The following HCN1 variants were observed in gnomAD, a reference collection of about 807,000 sequenced individuals.
HCN1 encodes potassium/sodium hyperpolarization-activated cyclic nucleotide-gated channel 1.
A neutral mutation model predicts 78.9 loss-of-function variants in HCN1; 13 were observed. That is an observed-to-expected ratio of 0.16 (90% CI 0.11 to 0.26). HCN1 has a LOEUF of 0.26. HCN1 is among the 10% of genes least tolerant of loss of function. The pLI is 1.00. For synonymous variants in HCN1, 552 were observed against 455.5 expected (o/e 1.21, Z -2.70); for missense variants, 810 against 1,154.3 (o/e 0.70, Z 4.32).
chr5:45,577,299 T>C (rs1743966916), intron 2 of HCN1, among the ~76,000 whole-genome samples: 1 of 152,094 alleles, frequency 6.6e-6, no homozygotes, highest in Admixed American at 6.6e-5. Flanking sequence ...GAAAATCTTC[T>C]GATTAGAATG....
intron 2 of HCN1, among the ~76,000 whole-genome samples, chr5:45,553,918 A>G (rs1224799291): frequency 6.6e-6 from 1 of 151,810 alleles, no homozygotes; most frequent in African/African-American, 2.4e-5. Context: ...TATGCCCCTT[A>G]CTCTAAGTAT....
chr5:45,451,116 T>C (rs1427172916), intron 3 of HCN1, among the ~76,000 whole-genome samples: 1 of 152,182 alleles, frequency 6.6e-6, no homozygotes, highest in East Asian at 1.9e-4. Flanking sequence ...GAATACAAAT[T>C]AAATGATCGA....
intron 5 of HCN1, among the ~76,000 whole-genome samples, chr5:45,328,959 G>T (rs565235601): frequency 6.6e-6 from 1 of 151,624 alleles, no homozygotes; most frequent in South Asian, 2.1e-4. Context: ...AATATTTAGT[G>T]TTGTGGAGGA....
At chr5:45,612,338 T>C (rs1744855033) in intron 2 of HCN1, among the ~76,000 whole-genome samples, 1 of 152,200 alleles carries the variant, frequency 6.6e-6, no homozygotes, top group Admixed American at 6.6e-5. Context: ...AAAATTATTC[T>C]AAGTTTCCGA....
At chr5:45,375,260 A>T (rs1329849261) in intron 4 of HCN1, among the ~76,000 whole-genome samples, 1 of 118,638 alleles carries the variant, frequency 8.4e-6, no homozygotes, top group East Asian at 2.1e-4. Flanking sequence ...ATAATATAAT[A>T]TTTTATAATA....
At chr5:45,374,284 T>C (rs868012906) in intron 4 of HCN1, among the ~76,000 whole-genome samples, 2 of 104,010 alleles carry the variant, frequency 1.9e-5, no homozygotes, top group East Asian at 2.9e-4. Flanking sequence ...ATATACATTA[T>C]ATACATTATA....
At chr5:45,271,328 G>T (rs1163038125) in intron 6 of HCN1, among the ~76,000 whole-genome samples, 1 of 150,106 alleles carries the variant, frequency 6.7e-6, no homozygotes, top group Non-Finnish European at 1.5e-5. Context: ...ATTGTCTACA[G>T]CAGTAATGTC....
At chr5:45,604,265 AG>A (rs1295752911) in intron 2 of HCN1, among the ~76,000 whole-genome samples, 2 of 152,036 alleles carry the variant, frequency 1.3e-5, no homozygotes, top group African/African-American at 4.8e-5. Context: ...GGCTACCCAG[AG>A]AAGATAAGCA....
chr5:45,520,241 C>G (rs189700067), intron 2 of HCN1, among the ~76,000 whole-genome samples: 117 of 152,052 alleles, frequency 7.7e-4, no homozygotes, highest in Middle Eastern at 3.4e-3. Flanking sequence ...GAATGTGGCA[C>G]AAAAAGTCTT....
chr5:45,547,993 CAT>C (rs1313203964), intron 2 of HCN1, among the ~76,000 whole-genome samples: 1 of 151,792 alleles, frequency 6.6e-6, no homozygotes. Flanking sequence ...TATAATACAT[CAT>C]ATCTTTTCCT....
Position 45,256,310 on chromosome 5 carries a change from T to G in HCN1, c.*5611A>C, listed in dbSNP as rs1207692793. On this transcript the variant is annotated 3_prime_UTR_variant, in exon 8 of 8. Transcript: ENST00000303230. ...ATTGCTTAAACCTGGGAGGCTGATG[T>G]TGCAGTGGGCCAAGATCCTGCCATT... is the stretch of plus-strand genomic sequence containing the variant. The G allele has an allele frequency of 6.6e-6, 1 of 151,440 alleles. No homozygotes were observed. Among genetic ancestry groups the G allele is most frequent in the African/African-American group, 2.4e-5 (1 of 41,114 alleles). The allele number at this position is 151,440 out of a possible 1,614,324, so 9.4% of individuals were successfully genotyped here.
intron 5 of HCN1, among the ~76,000 whole-genome samples, chr5:45,305,701 A>C (rs1745715181): frequency 6.6e-6 from 1 of 150,676 alleles, no homozygotes; most frequent in Admixed American, 6.6e-5. Context: ...GAAAGAAGGG[A>C]GGAAGGGAGG....
intron 6 of HCN1, among the ~76,000 whole-genome samples, chr5:45,286,810 T>G (rs1242289585): frequency 6.6e-6 from 1 of 152,026 alleles, no homozygotes; most frequent in Non-Finnish European, 1.5e-5. Context: ...CTTCTGGCAT[T>G]TTAAATTTTC....
At chr5:45,579,904 C>A (rs1301293228) in intron 2 of HCN1, among the ~76,000 whole-genome samples, 2 of 152,058 alleles carry the variant, frequency 1.3e-5, no homozygotes, top group Non-Finnish European at 2.9e-5. Flanking sequence ...AGATGATAAA[C>A]CTCTAAATGT....
chr5:45,275,313 AT>A (rs1391477397), intron 6 of HCN1, among the ~76,000 whole-genome samples: 5 of 152,126 alleles, frequency 3.3e-5, no homozygotes, highest in African/African-American at 7.2e-5. Flanking sequence ...CAGATTAAAA[AT>A]ATTCTTCATA....
chr5:45,649,023 A>C (rs1448832547), intron 1 of HCN1, among the ~76,000 whole-genome samples: 1 of 151,752 alleles, frequency 6.6e-6, no homozygotes, highest in Non-Finnish European at 1.5e-5. Context: ...TCTTTTAACA[A>C]CTGAGGACAA....
At chr5:45,301,719 A>AT (rs1205678464) in intron 6 of HCN1, among the ~76,000 whole-genome samples, 3 of 130,652 alleles carry the variant, frequency 2.3e-5, no homozygotes, top group Non-Finnish European at 3.2e-5. Context: ...ATACCCTGTC[A>AT]TTTAAAAAAA....
chr5:45,487,604 T>C (rs1200307000), intron 2 of HCN1, among the ~76,000 whole-genome samples: 3 of 152,094 alleles, frequency 2.0e-5, no homozygotes, highest in Non-Finnish European at 4.4e-5. Flanking sequence ...AGGGTGACTT[T>C]TCAAAGACAT....
intron 2 of HCN1, among the ~76,000 whole-genome samples, chr5:45,598,134 C>A (rs1428010157): frequency 1.3e-5 from 2 of 152,140 alleles, no homozygotes; most frequent in African/African-American, 4.8e-5. Flanking sequence ...AAGAACAAAG[C>A]TGGAGGCATG....
Sources: allele counts gnomAD v4.1 joint callset (sites outside exome capture counted in the v4.1 genomes callset), GRCh38; gene constraint gnomAD v4.1.1; transcripts MANE v1.5; gene names NCBI Gene and HGNC (gene_info 2026-07-23, HGNC 2026-07-21).